Variants in XYLB observed in about 807,000 individuals in gnomAD.
The protein encoded by XYLB is xylulokinase.
A neutral mutation model predicts 78.7 loss-of-function variants in XYLB; 62 were observed. The ratio of observed to expected loss-of-function variants is 0.79; its 90% CI spans 0.64 to 0.97. The LOEUF (loss-of-function observed/expected upper bound fraction) is 0.97, where lower values mean the gene tolerates loss of function less well. Ranked by LOEUF, XYLB falls within the 50% of genes least tolerant of loss-of-function variation. The pLI is 0.00. For synonymous variants in XYLB, 245 were observed against 247.4 expected (o/e 0.99, Z 0.09); for missense variants, 687 against 676.8 (o/e 1.02, Z -0.17).
At position 38,384,480 on chromosome 3, in the gene XYLB, C is replaced by T. The variant is rs545571217; in HGVS notation, c.1291+5138C>T. On this transcript the variant is annotated intron_variant, in intron 15 of 18. Transcript: ENST00000207870. ...TCCCAGACACTGTCTTCACGGCCAG[C>T]GATGAAGATGGGAGAAGCTGAGAGG... Among the ~76,000 whole-genome samples the T allele has an allele frequency of 2.1e-3, 324 of 152,286 alleles. 1 individual carries two copies. The highest frequency in any genetic ancestry group is 8.7e-3 in the South Asian group (42 of 4,826).
At chr3:38,378,491 T>C (rs545148083) in intron 14 of XYLB, among the ~76,000 whole-genome samples, 40 of 152,240 alleles carry the variant, frequency 2.6e-4, no homozygotes, top group African/African-American at 9.1e-4. Flanking sequence ...GGAAAGCAGC[T>C]GGTGGGCGGG....
At position 38,370,097 on chromosome 3, in the gene XYLB, T is replaced by C; in HGVS notation, c.688T>C (p.Ser230Pro). The C allele has an allele frequency of 6.2e-7, 1 of 1,614,238 alleles. No homozygotes were observed. Among genetic ancestry groups the C allele is most frequent in the Non-Finnish European group, 8.5e-7 (1 of 1,180,026 alleles). Residue 230 changes from serine to proline, a missense_variant, in exon 9 of 19, where the codon TCC (serine) becomes CCC (proline). Transcript: ENST00000207870. Reference sequence around the variant, plus strand: ...GTTGCAGATACAGGATAAAGTCTGGTCCCAGGCTTGCCTTGGTGCCTGTGC... The same window carrying C: ...GTTGCAGATACAGGATAAAGTCTGGCCCCAGGCTTGCCTTGGTGCCTGTGC... ...NLLQIQDKVW[S>P]QACLGACAPH...
At chr3:38,443,965 C>T in the XYLB span, among the ~76,000 whole-genome samples, 1 of 152,182 alleles carries the variant, frequency 6.6e-6, no homozygotes, top group Non-Finnish European at 1.5e-5. Flanking sequence ...GGGATCCATA[C>T]TGGGGATGGC....
intron 15 of XYLB, among the ~76,000 whole-genome samples, chr3:38,385,760 G>A (rs1301126979): frequency 6.6e-6 from 1 of 152,064 alleles, no homozygotes; most frequent in Non-Finnish European, 1.5e-5. Flanking sequence ...GATCAGCCTT[G>A]TAATCTTCCA....
rs748449844 is a variant in XYLB at position 38,372,751 on chromosome 3, G to T, written c.847+15G>T. ...GGACAACCCAGGTGAGTATCTCGGGGAGTTTCACTCTCCAGTGAGCCTGAC... is the reference window on the plus strand; with the variant it reads ...GGACAACCCAGGTGAGTATCTCGGGTAGTTTCACTCTCCAGTGAGCCTGAC... On this transcript the variant is annotated intron_variant, in intron 10 of 18. Transcript: ENST00000207870. 6.2e-7 allele frequency: 1 copy of T among 1,613,876 alleles called. No individual in the cohort carries two copies. The highest frequency in any genetic ancestry group is 1.1e-5 in the South Asian group (1 of 91,068).
intron 15 of XYLB, among the ~76,000 whole-genome samples, chr3:38,394,054 C>G (rs1411223307): frequency 2.6e-5 from 4 of 152,080 alleles, no homozygotes; most frequent in Non-Finnish European, 5.9e-5. Context: ...GGTCTAGTTC[C>G]TTAAAAGAGT....
intron 15 of XYLB, among the ~76,000 whole-genome samples, chr3:38,388,559 C>G (rs1463181255): frequency 1.3e-5 from 2 of 152,048 alleles, no homozygotes; most frequent in Non-Finnish European, 2.9e-5. Context: ...GCCTATATAA[C>G]AGCATACTAA....
chr3:38,436,368 C>A, the XYLB span, among the ~76,000 whole-genome samples: 1 of 151,992 alleles, frequency 6.6e-6, no homozygotes, highest in African/African-American at 2.4e-5. Context: ...CAAGTTTGAA[C>A]CAAGAAGAAA....
intron 15 of XYLB, among the ~76,000 whole-genome samples, chr3:38,387,814 C>T (rs1260118645): frequency 6.6e-6 from 1 of 152,080 alleles, no homozygotes; most frequent in Non-Finnish European, 1.5e-5. Flanking sequence ...CTTATACTTT[C>T]TTATGTCTCT....
chr3:38,393,255 A>G (rs1707744584), intron 15 of XYLB, among the ~76,000 whole-genome samples: 1 of 151,856 alleles, frequency 6.6e-6, no homozygotes, highest in South Asian at 2.1e-4. Flanking sequence ...GGTTCCTCCC[A>G]CCTCAGCATC....
In XYLB at chr3:38,412,977, G is replaced by A. The variant is rs1355553897; in HGVS notation, c.1575G>A (p.Gln525=). Residue 525 remains glutamine (Q), a synonymous_variant, in exon 19 of 19, where the codon CAG becomes CAA. Coordinates refer to ENST00000207870, the MANE Select transcript of XYLB (RefSeq NM_005108.4). Reference sequence around the variant, plus strand: ...TCCCCCAGTATGCCAAACTCGAGCAGAGAATCTTGTCTCAGACCCGGGGGC... The same window carrying A: ...TCCCCCAGTATGCCAAACTCGAGCAAAGAATCTTGTCTCAGACCCGGGGGC... ...ALLPQYAKLE[Q]RILSQTRGPP... 6 of 1,604,756 alleles carry A rather than the reference G, an allele frequency of 3.7e-6. No homozygotes were observed. The highest frequency in any genetic ancestry group is 1.7e-5 in the Admixed American group (1 of 58,194).
At chr3:38,447,327 A>G in the XYLB span, among the ~76,000 whole-genome samples, 3 of 152,146 alleles carry the variant, frequency 2.0e-5, no homozygotes, top group African/African-American at 4.8e-5. Context: ...TTTTGGAGAC[A>G]AGGTCTCACT....
At chr3:38,400,842 C>T (rs201858855) in intron 17 of XYLB, 49 bp from the exon 18 acceptor site, 13 of 1,534,232 alleles carry the variant, frequency 8.5e-6, no homozygotes, top group Admixed American at 5.2e-5. Context: ...TTTTGGTTAA[C>T]GTCTTCACTT....
chr3:38,407,944 A>G (rs1366542827), intron 18 of XYLB, among the ~76,000 whole-genome samples: 6 of 152,112 alleles, frequency 3.9e-5, no homozygotes, highest in African/African-American at 1.4e-4. Flanking sequence ...GGGAGACTTT[A>G]ACACCCCACT....
At chr3:38,360,317 AC>A in intron 2 of XYLB, 21 bp from the exon 3 acceptor site, 3 of 1,611,684 alleles carry the variant, frequency 1.9e-6, no homozygotes, top group South Asian at 1.1e-5. Context: ...GCTCTGGTCT[AC>A]ATTCTCTGTT....
At chr3:38,432,065 C>T in the XYLB span, among the ~76,000 whole-genome samples, 1 of 152,086 alleles carries the variant, frequency 6.6e-6, no homozygotes, top group Non-Finnish European at 1.5e-5. Context: ...AGTCCCCATG[C>T]AAGATTTGGG....
the XYLB span, among the ~76,000 whole-genome samples, chr3:38,437,326 T>C: frequency 1.5e-3 from 225 of 152,212 alleles, 1 homozygote; most frequent in African/African-American, 4.0e-3. Flanking sequence ...TGGAGAAAAG[T>C]GGAAAGCCTT....
At chr3:38,387,513 G>A (rs1707436987) in intron 15 of XYLB, among the ~76,000 whole-genome samples, 3 of 152,084 alleles carry the variant, frequency 2.0e-5, no homozygotes, top group Non-Finnish European at 4.4e-5. Context: ...TGGGACTACA[G>A]GCAAGCGCCA....
chr3:38,425,536 G>A (rs892466354), downstream of XYLB, among the ~76,000 whole-genome samples: 5 of 152,276 alleles, frequency 3.3e-5, no homozygotes, highest in East Asian at 1.9e-4. Flanking sequence ...CCTAAAGGCC[G>A]GATGCTACCA....
Sources: gnomAD v4.1 joint callset for allele counts (sites outside exome capture counted in the v4.1 genomes callset) on GRCh38, gnomAD v4.1.1 for gene constraint, MANE v1.5 for transcripts, NCBI Gene and HGNC (gene_info 2026-07-23, HGNC 2026-07-21) for gene names.